PDE11A: variants seen among roughly 807,000 people sequenced by gnomAD.
The protein encoded by PDE11A is dual 3',5'-cyclic-AMP and -GMP phosphodiesterase 11A.
PDE11A carries 100 observed loss-of-function variants against 100.5 expected under a neutral mutation model. The ratio of observed to expected loss-of-function variants is 1.00; its 90% CI spans 0.85 to 1.18. The LOEUF is 1.18. Ranked by LOEUF, PDE11A falls within the 50% of genes most tolerant of loss-of-function variation. PDE11A has a pLI of 0.00. For synonymous variants in PDE11A, 381 were observed against 420.8 expected, an observed-to-expected ratio of 0.91 and a Z score of 1.16; for missense variants, 1,141 against 1,152.6, an observed-to-expected ratio of 0.99 and a Z score of 0.15.
intron 5 of PDE11A, among the ~76,000 whole-genome samples, chr2:177,858,401 G>GAA (rs202199119): frequency 9.3e-5 from 13 of 140,464 alleles, no homozygotes; most frequent in African/African-American, 2.9e-4. Context: ...AAATTTACAA[G>GAA]AAAAAAAAAA....
At chr2:177,939,496 G>A in intron 2 of PDE11A, among the ~76,000 whole-genome samples, 1 of 115,096 alleles carries the variant, frequency 8.7e-6, no homozygotes, top group South Asian at 3.8e-4. Flanking sequence ...AGAGAGGGAG[G>A]AGGGAAGGAG....
At chr2:178,059,633 G>C (rs755911683) in intron 1 of PDE11A, among the ~76,000 whole-genome samples, 51 of 152,156 alleles carry the variant, frequency 3.4e-4, no homozygotes, top group Admixed American at 6.5e-4. Context: ...AATCTCATTA[G>C]CAAATTTCCT....
At chr2:177,929,911 A>C (rs2085183156) in intron 2 of PDE11A, among the ~76,000 whole-genome samples, 1 of 152,212 alleles carries the variant, frequency 6.6e-6, no homozygotes. Flanking sequence ...TTATTTACTT[A>C]ACAAACCAGA....
chr2:177,998,482 G>C lies in PDE11A; in HGVS notation c.1071+15820C>G. 2.9e-6 allele frequency: 4 copies of C among 1,368,816 alleles called. No homozygotes were observed. The South Asian group carries it at 3.5e-5, about 12-fold the overall frequency. 84.8% of individuals were successfully genotyped at this position (1,368,816 alleles called of 1,614,324 possible). A position where few individuals can be genotyped will look rare whatever the true frequency, so the allele number is the denominator to read the frequency against. ...AGTTGCATTAGTATATCTGCCACTC[G>C]AGGAAGATTTTCTCCAGTGGTAAAT... On this transcript the variant is annotated intron_variant, in intron 2 of 19. Coordinates refer to ENST00000286063, the MANE Select transcript of PDE11A (RefSeq NM_016953.4).
chr2:177,885,433 G>A (rs1021568842), intron 4 of PDE11A, among the ~76,000 whole-genome samples: 6 of 152,056 alleles, frequency 3.9e-5, no homozygotes, highest in East Asian at 1.9e-4. Flanking sequence ...GTATCCATGC[G>A]CTGTCCTGGA....
intron 2 of PDE11A, among the ~76,000 whole-genome samples, chr2:177,964,916 TTCTG>T (rs1378881423): frequency 6.6e-6 from 1 of 152,212 alleles, no homozygotes; most frequent in Non-Finnish European, 1.5e-5. Context: ...CAAATGATAG[TTCTG>T]TTTTAAGCTC....
chr2:177,812,962 G>A (rs1372754067), intron 9 of PDE11A, among the ~76,000 whole-genome samples: 1 of 152,246 alleles, frequency 6.6e-6, no homozygotes, highest in East Asian at 1.9e-4. Flanking sequence ...TGAACTAACA[G>A]TAGGGGGGAA....
intron 3 of PDE11A, chr2:177,899,408 AAAAC>A (rs552260331): frequency 1.1e-4 from 21 of 188,690 alleles, no homozygotes; most frequent in African/African-American, 1.7e-4. Flanking sequence ...CTCTTTCTAA[AAAAC>A]AAACAAACAA....
intron 2 of PDE11A, among the ~76,000 whole-genome samples, chr2:178,000,518 T>C (rs948416126): frequency 5.9e-5 from 9 of 152,208 alleles, no homozygotes; most frequent in Admixed American, 2.0e-4. Context: ...AATGCTAAAA[T>C]TAGACTAATC....
chr2:177,826,539 A>G (rs2083228889), intron 6 of PDE11A, among the ~76,000 whole-genome samples: 4 of 152,240 alleles, frequency 2.6e-5, no homozygotes, highest in Admixed American at 1.3e-4. Context: ...AGTTTGGCCT[A>G]TCTTACCTGC....
At chr2:177,968,846 G>T (rs2085731832) in intron 2 of PDE11A, among the ~76,000 whole-genome samples, 1 of 152,212 alleles carries the variant, frequency 6.6e-6, no homozygotes, top group Non-Finnish European at 1.5e-5. Flanking sequence ...CAACCATTGT[G>T]TAAGACAGTG....
intron 2 of PDE11A, among the ~76,000 whole-genome samples, chr2:178,089,403 A>C (rs2087394697): frequency 6.6e-6 from 1 of 152,256 alleles, no homozygotes; most frequent in Non-Finnish European, 1.5e-5. Context: ...CTTATAGCTA[A>C]GGAGCAGGGT....
At chr2:178,073,034 C>T, upstream of PDE11A, 4 of 985,374 alleles carry the variant, frequency 4.1e-6, no homozygotes, top group South Asian at 1.9e-4. Context: ...TCCCTTACCT[C>T]CCCAACCCTC....
At chr2:177,770,395 C>A (rs964118933) in intron 9 of PDE11A, among the ~76,000 whole-genome samples, 9 of 152,220 alleles carry the variant, frequency 5.9e-5, no homozygotes, top group Non-Finnish European at 7.3e-5. Context: ...TCAACTTTTG[C>A]AATTTATCTA....
chr2:177,839,070 C>G (rs1335565790), intron 6 of PDE11A, among the ~76,000 whole-genome samples: 3 of 152,146 alleles, frequency 2.0e-5, no homozygotes, highest in Admixed American at 1.3e-4. Context: ...TAGGCAGCTA[C>G]AGGGAGGTGG....
At chr2:177,860,847 A>G (rs2083932738) in intron 5 of PDE11A, among the ~76,000 whole-genome samples, 1 of 151,864 alleles carries the variant, frequency 6.6e-6, no homozygotes, top group African/African-American at 2.4e-5. Flanking sequence ...TCACATGATT[A>G]TCTCAATAGG....
intron 1 of PDE11A, among the ~76,000 whole-genome samples, chr2:178,040,950 C>A (rs1005642568): frequency 6.6e-6 from 1 of 152,054 alleles, no homozygotes; most frequent in East Asian, 1.9e-4. Context: ...TTTATTTATT[C>A]ATTTATTGAG....
intron 2 of PDE11A, among the ~76,000 whole-genome samples, chr2:178,093,218 C>T (rs539523940): frequency 6.6e-6 from 1 of 152,264 alleles, no homozygotes; most frequent in South Asian, 2.1e-4. Flanking sequence ...AATGAACTAC[C>T]ACCAAAGACA....
At position 177,916,155 on chromosome 2, in the gene PDE11A, G is replaced by A. The variant is rs572429974; in HGVS notation, c.1072-10968C>T. 5.3e-5 allele frequency among the ~76,000 whole-genome samples: 8 copies of A among 152,090 alleles called. No homozygotes were observed. In the South Asian group the frequency reaches 1.5e-3, roughly 28 times the overall value. On this transcript the variant is annotated intron_variant, in intron 2 of 19. Transcript: ENST00000286063. ...ACACTCATGTTCAAGTTATATTCCC[G>A]GGTTCAGTCTTTGGTCTTCTAACTG...
Sources: gnomAD v4.1 joint callset for allele counts (sites outside exome capture counted in the v4.1 genomes callset) on GRCh38, gnomAD v4.1.1 for gene constraint, MANE v1.5 for transcripts, NCBI Gene and HGNC (gene_info 2026-07-23, HGNC 2026-07-21) for gene names.